Variants in LRMDA observed in about 807,000 individuals in gnomAD.
The protein encoded by LRMDA is leucine rich melanocyte differentiation associated, also known as leucine-rich melanocyte differentiation-associated protein.
LRMDA carries 18 observed loss-of-function variants against 29.8 expected under a neutral mutation model. That is an observed-to-expected ratio of 0.60 (90% CI 0.42 to 0.90). The LOEUF (loss-of-function observed/expected upper bound fraction) is 0.90, where lower values mean the gene tolerates loss of function less well. Among genes scored for constraint, LRMDA ranks in the 40% least tolerant of loss-of-function variants. The pLI is 0.00. For synonymous variants in LRMDA, 125 were observed against 109.4 expected (o/e 1.14, Z -0.89); for missense variants, 273 against 273.9 (o/e 1.00, Z 0.02).
chr10:76,096,115 A>G (rs1227993508), intron 5 of LRMDA, among the ~76,000 whole-genome samples: 1 of 152,260 alleles, frequency 6.6e-6, no homozygotes, highest in East Asian at 1.9e-4. Flanking sequence ...AAAAGTTTTA[A>G]AGTTTGATAA....
intron 5 of LRMDA, among the ~76,000 whole-genome samples, chr10:76,072,270 T>A (rs1848887741): frequency 6.6e-6 from 1 of 152,072 alleles, no homozygotes; most frequent in Non-Finnish European, 1.5e-5. Context: ...AGTCCAGAGA[T>A]TTGGGCTCTA....
intron 2 of LRMDA, among the ~76,000 whole-genome samples, chr10:75,757,468 G>A (rs1843045590): frequency 6.6e-6 from 1 of 152,176 alleles, no homozygotes; most frequent in Admixed American, 6.5e-5. Flanking sequence ...GTTTTGGAAA[G>A]CATGCAGTGA....
chr10:76,499,482 G>A lies in LRMDA; in HGVS notation c.602-57727G>A, dbSNP rs1288652962. Among the ~76,000 whole-genome samples the A allele has an allele frequency of 5.3e-5, 4 of 75,264 alleles. 2 individuals are homozygous for A. Among genetic ancestry groups the A allele is most frequent in the African/African-American group, 1.3e-4 (4 of 30,906 alleles). The allele number at this position is 75,264 out of a possible 152,430, so 49.4% of individuals were successfully genotyped here. A position where few individuals can be genotyped will look rare whatever the true frequency, so the allele number is the denominator to read the frequency against. ...TCTAGGTACAGACATGCCACATTTT[G>A]TTAATTACCATCAGCTGATGAATAT... On this transcript the variant is annotated intron_variant, in intron 6 of 6. Transcript: ENST00000611255.
intron 6 of LRMDA, among the ~76,000 whole-genome samples, chr10:76,438,355 C>T (rs1231608622): frequency 1.3e-5 from 2 of 152,110 alleles, no homozygotes; most frequent in Non-Finnish European, 2.9e-5. Context: ...TTTGGTTATT[C>T]TTTAAACTTA....
intron 2 of LRMDA, among the ~76,000 whole-genome samples, chr10:75,768,613 G>GT (rs1188948840): frequency 6.6e-6 from 1 of 152,176 alleles, no homozygotes; most frequent in Non-Finnish European, 1.5e-5. Context: ...TCTGGGTCTT[G>GT]TTCCTTTTCT....
intron 5 of LRMDA, among the ~76,000 whole-genome samples, chr10:76,087,631 AG>A (rs1849158783): frequency 1.3e-5 from 2 of 152,092 alleles, no homozygotes; most frequent in African/African-American, 4.8e-5. Context: ...GGGATGCCAG[AG>A]GTACTGTGTT....
intron 2 of LRMDA, among the ~76,000 whole-genome samples, chr10:75,944,605 TC>T (rs2132413250): frequency 6.6e-6 from 1 of 151,774 alleles, no homozygotes; most frequent in Non-Finnish European, 1.5e-5. Context: ...GTTTCTAAAA[TC>T]CTTTTTTTCT....
chr10:76,267,319 G>A (rs1469146347), intron 5 of LRMDA, among the ~76,000 whole-genome samples: 1 of 151,428 alleles, frequency 6.6e-6, no homozygotes, highest in East Asian at 1.9e-4. Flanking sequence ...TTAAAATTGT[G>A]GTAAAAATAT....
intron 2 of LRMDA, among the ~76,000 whole-genome samples, chr10:75,782,163 G>A (rs1052905909): frequency 2.0e-5 from 3 of 152,124 alleles, no homozygotes; most frequent in Non-Finnish European, 4.4e-5. Context: ...CTTTGTGATG[G>A]CCTTTGTCAC....
chr10:76,207,984 T>A (rs1851568094), intron 5 of LRMDA, among the ~76,000 whole-genome samples: 1 of 152,094 alleles, frequency 6.6e-6, no homozygotes, highest in African/African-American at 2.4e-5. Flanking sequence ...GTATGTCCAC[T>A]GGTGTTCCTG....
chr10:76,201,069 T>TTTTA (rs57777695), intron 5 of LRMDA, among the ~76,000 whole-genome samples: 7,443 of 141,186 alleles, frequency 0.053, 253 homozygotes, highest in Middle Eastern at 0.066. Flanking sequence ...GTATTATTAT[T>TTTTA]TTTATTTATT....
At chr10:76,131,129 G>A (rs912286831) in intron 5 of LRMDA, among the ~76,000 whole-genome samples, 12 of 152,204 alleles carry the variant, frequency 7.9e-5, no homozygotes, top group African/African-American at 2.9e-4. Flanking sequence ...TGAGAGAGCT[G>A]CTCTTTCCAC....
intron 5 of LRMDA, among the ~76,000 whole-genome samples, chr10:76,242,942 T>G (rs1564697810): frequency 6.6e-6 from 1 of 152,208 alleles, no homozygotes; most frequent in African/African-American, 2.4e-5. Flanking sequence ...GAGGATAAGA[T>G]GAGCAGCTCT....
At chr10:75,596,542 A>G (rs1006079627) in intron 2 of LRMDA, among the ~76,000 whole-genome samples, 27 of 150,126 alleles carry the variant, frequency 1.8e-4, no homozygotes, top group Admixed American at 8.6e-4. Context: ...GTCTACTGAG[A>G]TTTTTTTTTT....
intron 6 of LRMDA, among the ~76,000 whole-genome samples, chr10:76,471,506 G>C (rs1169440625): frequency 6.6e-6 from 1 of 151,434 alleles, no homozygotes; most frequent in African/African-American, 2.4e-5. Flanking sequence ...AGTAAAGAAG[G>C]AACAGGGAAG....
At chr10:75,636,970 A>G (rs769738273) in intron 2 of LRMDA, among the ~76,000 whole-genome samples, 2 of 152,240 alleles carry the variant, frequency 1.3e-5, no homozygotes, top group Non-Finnish European at 2.9e-5. Context: ...TATCTAACCT[A>G]TTGAACACTT....
intron 2 of LRMDA, among the ~76,000 whole-genome samples, chr10:75,712,744 A>C (rs1055245774): frequency 1.3e-5 from 2 of 152,182 alleles, no homozygotes; most frequent in Non-Finnish European, 2.9e-5. Context: ...GCCGTGGCAG[A>C]GGAAAGCTTG....
In LRMDA at chr10:76,009,934, A is replaced by G. The variant is rs573677523; in HGVS notation, c.132-26074A>G. Among the ~76,000 whole-genome samples, 3 of 152,024 alleles carry G rather than the reference A, an allele frequency of 2.0e-5. No individual in the cohort carries two copies. The South Asian group carries it at 6.2e-4, about 32-fold the overall frequency. ...TTCCGAGAGCTAAATGTGAGCCTCA[A>G]AGAGATGCCGTCAAGGTATTTTTCA... is the stretch of plus-strand genomic sequence containing the variant. On this transcript the variant is annotated intron_variant, in intron 2 of 6. Coordinates refer to ENST00000611255, the MANE Select transcript of LRMDA (RefSeq NM_001305581.2).
chr10:76,049,213 T>G (rs1301045207), intron 4 of LRMDA, among the ~76,000 whole-genome samples: 1 of 152,176 alleles, frequency 6.6e-6, no homozygotes, highest in Non-Finnish European at 1.5e-5. Context: ...TCCAGTTCTG[T>G]TCCCTTGGAA....
Sources: gnomAD v4.1 joint callset for allele counts (sites outside exome capture counted in the v4.1 genomes callset) on GRCh38, gnomAD v4.1.1 for gene constraint, MANE v1.5 for transcripts, NCBI Gene and HGNC (gene_info 2026-07-23, HGNC 2026-07-21) for gene names.